The following C8orf34 variants were observed in gnomAD, a reference collection of about 807,000 sequenced individuals.
C8orf34 encodes the protein uncharacterized protein C8orf34.
C8orf34 carries 65 observed loss-of-function variants against 68.3 expected under a neutral mutation model. That is an observed-to-expected ratio of 0.95 (90% CI 0.78 to 1.17). C8orf34 has a LOEUF of 1.17. C8orf34 is among the 50% of genes most tolerant of loss of function. The pLI, the probability that C8orf34 is intolerant of heterozygous loss-of-function variation, is 0.00. For synonymous variants in C8orf34, 244 were observed against 241.2 expected, an observed-to-expected ratio of 1.01 and a Z score of -0.11; for missense variants, 664 against 655.4, an observed-to-expected ratio of 1.01 and a Z score of -0.14.
intron 11 of C8orf34, among the ~76,000 whole-genome samples, chr8:68,777,335 T>A (rs911181997): frequency 6.6e-6 from 1 of 152,248 alleles, no homozygotes; most frequent in African/African-American, 2.4e-5. Context: ...AGACATGGGC[T>A]GCCTGCTGAT....
chr8:68,763,572 T>A (rs1260094558), intron 10 of C8orf34, among the ~76,000 whole-genome samples: 1 of 152,204 alleles, frequency 6.6e-6, no homozygotes, highest in Non-Finnish European at 1.5e-5. Flanking sequence ...ATACTCAATT[T>A]CCTGTTGATC....
At chr8:68,702,469 A>G (rs1032620719) in intron 8 of C8orf34, among the ~76,000 whole-genome samples, 4 of 152,012 alleles carry the variant, frequency 2.6e-5, no homozygotes, top group African/African-American at 9.7e-5. Context: ...TGTTACTTGC[A>G]ACGTATTCAA....
At chr8:68,740,986 G>A (rs6989590) in intron 10 of C8orf34, among the ~76,000 whole-genome samples, 48,579 of 151,894 alleles carry the variant, frequency 0.32, 8,062 homozygotes, top group African/African-American at 0.41. Flanking sequence ...GGAACAGAAA[G>A]CCAAATATTG....
chr8:68,408,469 C>G (rs868849778), intron 1 of C8orf34, among the ~76,000 whole-genome samples: 23 of 152,078 alleles, frequency 1.5e-4, no homozygotes, highest in South Asian at 8.3e-4. Flanking sequence ...AGGTTGGGGA[C>G]TGCTGCCACT....
chr8:68,536,584 G>T (rs1284709731), intron 7 of C8orf34, among the ~76,000 whole-genome samples: 3 of 151,632 alleles, frequency 2.0e-5, no homozygotes, highest in Non-Finnish European at 4.4e-5. Context: ...CTTTATGATT[G>T]ATATTCATTT....
chr8:68,721,451 T>A lies in C8orf34; in HGVS notation c.1404+14T>A. The A allele has an allele frequency of 6.4e-7, 1 of 1,555,914 alleles. No individual in the cohort carries two copies. The highest frequency in any genetic ancestry group is 1.2e-5 in the South Asian group (1 of 86,610). On this transcript the variant is annotated intron_variant, in intron 10 of 13. Coordinates refer to ENST00000518698, the MANE Select transcript of C8orf34 (RefSeq NM_052958.4). ...CTAACAGGACCTGTAAGTATATTCA[T>A]TGACTTATTTTTTTTAATTGCTAAA...
intron 1 of C8orf34, among the ~76,000 whole-genome samples, chr8:68,343,953 C>T (rs1005975610): frequency 5.9e-5 from 9 of 152,020 alleles, no homozygotes; most frequent in Non-Finnish European, 1.5e-5. Context: ...TCTCGAACTC[C>T]TGGGCTTAAG....
At chr8:68,372,382 C>G (rs1807598071) in intron 1 of C8orf34, among the ~76,000 whole-genome samples, 1 of 152,170 alleles carries the variant, frequency 6.6e-6, no homozygotes, top group Non-Finnish European at 1.5e-5. Flanking sequence ...ACTTAAATCT[C>G]AGAGACCCAG....
At chr8:68,651,989 G>A (rs545062217) in intron 8 of C8orf34, among the ~76,000 whole-genome samples, 1 of 152,326 alleles carries the variant, frequency 6.6e-6, no homozygotes, top group South Asian at 2.1e-4. Context: ...TGGGTGCTAA[G>A]TGATATCTAT....
At chr8:68,384,071 A>G (rs1178445022) in intron 1 of C8orf34, among the ~76,000 whole-genome samples, 3 of 152,238 alleles carry the variant, frequency 2.0e-5, no homozygotes. Flanking sequence ...CATGATAGGA[A>G]GGAAAGTTTT....
intron 8 of C8orf34, among the ~76,000 whole-genome samples, chr8:68,656,873 C>T (rs554205161): frequency 6.6e-6 from 1 of 152,128 alleles, no homozygotes; most frequent in Non-Finnish European, 1.5e-5. Context: ...ATAATTTATC[C>T]AGTCAACATA....
At chr8:68,416,995 G>C (rs563444657) in intron 1 of C8orf34, among the ~76,000 whole-genome samples, 1 of 152,090 alleles carries the variant, frequency 6.6e-6, no homozygotes, top group Non-Finnish European at 1.5e-5. Context: ...GAAGAGAAAA[G>C]GATGGAGTGA....
intron 7 of C8orf34, among the ~76,000 whole-genome samples, chr8:68,589,060 A>G (rs1317418488): frequency 2.0e-5 from 3 of 152,178 alleles, no homozygotes; most frequent in Non-Finnish European, 4.4e-5. Context: ...CCCTTGGACT[A>G]GGCTAATTCC....
intron 5 of C8orf34, among the ~76,000 whole-genome samples, chr8:68,508,924 C>T (rs527287185): frequency 1.5e-4 from 23 of 152,218 alleles, no homozygotes; most frequent in African/African-American, 5.5e-4. Context: ...TGCTAGAGTG[C>T]TTCCTGCCTC....
At chr8:68,337,026 T>C (rs1466922760) in intron 1 of C8orf34, among the ~76,000 whole-genome samples, 1 of 152,208 alleles carries the variant, frequency 6.6e-6, no homozygotes, top group African/African-American at 2.4e-5. Flanking sequence ...TATAGTAGAA[T>C]GCCAACTAAT....
chr8:68,374,358 C>A (rs1002041699), intron 1 of C8orf34, among the ~76,000 whole-genome samples: 11 of 152,246 alleles, frequency 7.2e-5, no homozygotes, highest in Middle Eastern at 3.4e-3. Context: ...TCATATTCAG[C>A]TTCTCCTCTC....
intron 5 of C8orf34, 54 bp from the exon 6 acceptor site, chr8:68,521,745 T>A (rs1265234844): frequency 2.0e-6 from 3 of 1,488,238 alleles, no homozygotes; most frequent in Non-Finnish European, 2.7e-6. Context: ...TTCCCTGTTG[T>A]CCTGTTAATA....
At chr8:68,573,900 T>TA (rs1816826134) in intron 7 of C8orf34, among the ~76,000 whole-genome samples, 1 of 152,162 alleles carries the variant, frequency 6.6e-6, no homozygotes, top group Non-Finnish European at 1.5e-5. Context: ...TGATGTTCCT[T>TA]AAAAAATATC....
At chr8:68,728,145 A>G (rs1821884704) in intron 10 of C8orf34, among the ~76,000 whole-genome samples, 1 of 152,118 alleles carries the variant, frequency 6.6e-6, no homozygotes, top group African/African-American at 2.4e-5. Flanking sequence ...TCCTCCAGAT[A>G]CCCTAAATAG....
Sources: gnomAD v4.1 joint callset for allele counts (sites outside exome capture counted in the v4.1 genomes callset) on GRCh38, gnomAD v4.1.1 for gene constraint, MANE v1.5 for transcripts, NCBI Gene and HGNC (gene_info 2026-07-23, HGNC 2026-07-21) for gene names.